Variants in RARB observed in about 807,000 individuals in gnomAD.
The protein encoded by RARB is retinoic acid receptor beta, also known as HBV-activated protein.
A neutral mutation model predicts 51.9 loss-of-function variants in RARB; 17 were observed. The observed-to-expected ratio is 0.33, with a 90% CI of 0.22 to 0.49. RARB has a LOEUF of 0.49. Ranked by LOEUF, RARB falls within the 20% of genes least tolerant of loss-of-function variation. The pLI, the probability that RARB is intolerant of heterozygous loss-of-function variation, is 0.99. For missense variants in RARB, 369 were observed against 550.8 expected (o/e 0.67, Z 3.30); for synonymous variants, 215 against 195.4 (o/e 1.10, Z -0.84).
chr3:25,515,411 T>C (rs964927965), intron 3 of RARB, among the ~76,000 whole-genome samples: 1 of 152,178 alleles, frequency 6.6e-6, no homozygotes, highest in Non-Finnish European at 1.5e-5. Flanking sequence ...AGTGGTTATA[T>C]TCCTGGGAAC....
chr3:25,096,609 A>C (rs766148279), intron 3 of RARB, among the ~76,000 whole-genome samples: 27 of 152,140 alleles, frequency 1.8e-4, no homozygotes, highest in Non-Finnish European at 3.5e-4. Flanking sequence ...GTAGTGAGGA[A>C]CATATAGTTA....
chr3:24,998,293 T>C (rs536622140), intron 2 of RARB, among the ~76,000 whole-genome samples: 1 of 151,698 alleles, frequency 6.6e-6, no homozygotes, highest in Non-Finnish European at 1.5e-5. Flanking sequence ...TTTTTTTTCT[T>C]TGGAGTCCTC....
intron 3 of RARB, among the ~76,000 whole-genome samples, chr3:25,123,941 A>C (rs766850039): frequency 6.6e-6 from 1 of 152,200 alleles, no homozygotes; most frequent in African/African-American, 2.4e-5. Context: ...AAAGTATCTC[A>C]GTCCTGAACC....
Position 25,198,601 on chromosome 3 carries a change from CTCTAA to C in RARB, c.178+24030_178+24034del, listed in dbSNP as rs1026182976. 3.3e-5 allele frequency among the ~76,000 whole-genome samples: 5 copies of C among 151,630 alleles called. No homozygotes were observed. In the East Asian group the frequency reaches 9.7e-4, roughly 29 times the overall value. ...ATAGTATTCCTATAAATAGGAGAAA[CTCTAA>C]TCTGATTTAAAAAGGGACAAAAGAT... is the stretch of plus-strand genomic sequence containing the variant. On this transcript the variant is annotated intron_variant, in intron 5 of 11. Transcript: ENST00000383772.
At chr3:25,073,208 A>G (rs2125309415) in intron 3 of RARB, among the ~76,000 whole-genome samples, 1 of 152,348 alleles carries the variant, frequency 6.6e-6, no homozygotes, top group South Asian at 2.1e-4. Flanking sequence ...GTAATGAAGC[A>G]GAGAAAGCAT....
chr3:25,389,501 C>T (rs990666865), intron 5 of RARB, among the ~76,000 whole-genome samples: 2 of 152,154 alleles, frequency 1.3e-5, no homozygotes, highest in Non-Finnish European at 2.9e-5. Flanking sequence ...ACCAACTCAG[C>T]GGTGTTGCTG....
intron 3 of RARB, among the ~76,000 whole-genome samples, chr3:25,107,823 C>T (rs1051112359): frequency 5.3e-5 from 8 of 152,138 alleles, no homozygotes; most frequent in African/African-American, 9.7e-5. Context: ...CTCACAATTT[C>T]GTGGATAAAA....
intron 2 of RARB, among the ~76,000 whole-genome samples, chr3:25,497,274 G>T (rs1022473717): frequency 7.7e-6 from 1 of 129,646 alleles, no homozygotes; most frequent in Non-Finnish European, 1.6e-5. Context: ...CCTGCCTGAG[G>T]CCCTCAGAGG....
chr3:25,135,610 C>A (rs2062486), intron 4 of RARB, among the ~76,000 whole-genome samples: 124,827 of 151,972 alleles, frequency 0.82, 51,399 homozygotes, highest in Non-Finnish European at 0.85. Context: ...TTGCGTGCAA[C>A]ATAGCCAGAA....
chr3:25,423,928 G>A (rs373489560), upstream of RARB, among the ~76,000 whole-genome samples: 15 of 152,214 alleles, frequency 9.9e-5, no homozygotes, highest in African/African-American at 3.1e-4. Context: ...GGAACCAACC[G>A]AAACTGTTGG....
At chr3:25,269,499 T>G (rs1229989411) in intron 5 of RARB, among the ~76,000 whole-genome samples, 11 of 152,158 alleles carry the variant, frequency 7.2e-5, no homozygotes. Flanking sequence ...ATACTTCAAT[T>G]TCTTCGGCTG....
At chr3:25,557,188 A>G (rs1700098822) in intron 3 of RARB, among the ~76,000 whole-genome samples, 1 of 148,728 alleles carries the variant, frequency 6.7e-6, no homozygotes. Context: ...CCATGAAAGT[A>G]GAGACTTCTG....
chr3:25,250,336 C>T (rs1340638344), intron 5 of RARB, among the ~76,000 whole-genome samples: 2 of 152,130 alleles, frequency 1.3e-5, no homozygotes, highest in South Asian at 2.1e-4. Context: ...CTAGGGTAGA[C>T]AGGGATAGGG....
At chr3:24,835,769 G>A (rs1349832067) in intron 1 of RARB, among the ~76,000 whole-genome samples, 1 of 152,170 alleles carries the variant, frequency 6.6e-6, no homozygotes, top group African/African-American at 2.4e-5. Context: ...ATGCCCAGAA[G>A]CCACAGTATC....
intron 1 of RARB, among the ~76,000 whole-genome samples, chr3:25,457,884 C>T (rs1694995363): frequency 6.6e-6 from 1 of 152,156 alleles, no homozygotes; most frequent in Non-Finnish European, 1.5e-5. Context: ...CCGCTCCCCA[C>T]CTTCCTTCTG....
At chr3:25,129,135 C>A (rs1699906472) in intron 3 of RARB, among the ~76,000 whole-genome samples, 1 of 151,958 alleles carries the variant, frequency 6.6e-6, no homozygotes, top group Non-Finnish European at 1.5e-5. Flanking sequence ...CATTAGACTG[C>A]ATGTGTTTCT....
intron 5 of RARB, among the ~76,000 whole-genome samples, chr3:25,217,075 C>A (rs1380774070): frequency 1.3e-5 from 2 of 152,124 alleles, no homozygotes; most frequent in Non-Finnish European, 2.9e-5. Context: ...TTGGAAGCAG[C>A]CATTGATTCT....
intron 2 of RARB, among the ~76,000 whole-genome samples, chr3:24,935,110 C>T (rs1695522230): frequency 6.6e-6 from 1 of 152,092 alleles, no homozygotes; most frequent in Non-Finnish European, 1.5e-5. Context: ...AATGTTTTGT[C>T]ATTTTCTTCA....
intron 4 of RARB, among the ~76,000 whole-genome samples, chr3:25,169,412 T>G (rs1700607796): frequency 6.6e-6 from 1 of 152,160 alleles, no homozygotes; most frequent in African/African-American, 2.4e-5. Flanking sequence ...TGCTGGAGAC[T>G]TAGCAAAGAA....
Sources: gnomAD v4.1 joint callset for allele counts (sites outside exome capture counted in the v4.1 genomes callset) on GRCh38, gnomAD v4.1.1 for gene constraint, MANE v1.5 for transcripts, NCBI Gene and HGNC (gene_info 2026-07-23, HGNC 2026-07-21) for gene names.